CDH20: variants seen among roughly 807,000 people sequenced by gnomAD.
CDH20 encodes cadherin-20.
Under a neutral mutation model 74.2 loss-of-function variants are expected in CDH20, and 29 were observed. The ratio of observed to expected loss-of-function variants is 0.39; its 90% confidence interval spans 0.29 to 0.53. The LOEUF (loss-of-function observed/expected upper bound fraction) is 0.53, where lower values mean the gene tolerates loss of function less well. CDH20 is among the 20% of genes least tolerant of loss of function. The pLI is 0.69. For missense variants in CDH20, 988 were observed against 1,048.3 expected (o/e 0.94, Z 0.79); for synonymous variants, 469 against 405.4 (o/e 1.16, Z -1.88).
chr18:61,431,475 A>G (rs971252545), intron 1 of CDH20, among the ~76,000 whole-genome samples: 2 of 152,222 alleles, frequency 1.3e-5, no homozygotes, highest in Non-Finnish European at 2.9e-5. Context: ...GGACTAGTTA[A>G]TAATAACATA....
At chr18:61,469,228 G>C (rs1010932436) in intron 1 of CDH20, among the ~76,000 whole-genome samples, 26 of 152,070 alleles carry the variant, frequency 1.7e-4, no homozygotes, top group African/African-American at 6.0e-4. Flanking sequence ...TAAAACCATT[G>C]CTCTGGCTGG....
chr18:61,544,131 G>C (rs1913140957), intron 9 of CDH20, among the ~76,000 whole-genome samples: 1 of 152,218 alleles, frequency 6.6e-6, no homozygotes, highest in African/African-American at 2.4e-5. Context: ...GACTGTGCAG[G>C]GAAGTTTCAC....
At chr18:61,404,727 G>GA (rs367937818) in intron 1 of CDH20, 6 of 309,450 alleles carry the variant, frequency 1.9e-5, no homozygotes, top group African/African-American at 9.1e-5. Context: ...AATGGAGCAT[G>GA]AAAAAAGAGA....
chr18:61,510,968 C>CTTTG, intron 6 of CDH20, among the ~76,000 whole-genome samples: 1 of 24,344 alleles, frequency 4.1e-5, no homozygotes, highest in Non-Finnish European at 7.7e-5. Flanking sequence ...TTTTTTCTTT[C>CTTTG]TTTCTTTCTT....
chr18:61,544,552 T>TC (rs1292819772), intron 9 of CDH20, among the ~76,000 whole-genome samples: 1 of 152,096 alleles, frequency 6.6e-6, no homozygotes, highest in African/African-American at 2.4e-5. Context: ...AAGGTGATCT[T>TC]CCCCCGGATT....
At chr18:61,452,638 C>T (rs1161023380) in intron 1 of CDH20, among the ~76,000 whole-genome samples, 4 of 151,932 alleles carry the variant, frequency 2.6e-5, no homozygotes, top group Admixed American at 6.6e-5. Context: ...TTTTTTATAC[C>T]GTATAATATG....
intron 1 of CDH20, among the ~76,000 whole-genome samples, chr18:61,451,674 G>A (rs539010556): frequency 6.6e-6 from 1 of 151,960 alleles, no homozygotes; most frequent in African/African-American, 2.4e-5. Context: ...TAAATTTATT[G>A]GGAAAAGAGT....
At chr18:61,422,885 A>T (rs569052105) in intron 1 of CDH20, among the ~76,000 whole-genome samples, 61 of 152,238 alleles carry the variant, frequency 4.0e-4, no homozygotes, top group African/African-American at 1.4e-3. Context: ...TTTATGAAAG[A>T]GTAGGAGAAA....
chr18:61,501,621 C>T (rs773576334), intron 4 of CDH20, among the ~76,000 whole-genome samples: 4 of 152,092 alleles, frequency 2.6e-5, no homozygotes, highest in Non-Finnish European at 5.9e-5. Context: ...GCAACCTGAT[C>T]GAATTTTTTT....
At chr18:61,355,540 A>G (rs1442596374) in intron 1 of CDH20, among the ~76,000 whole-genome samples, 2 of 152,206 alleles carry the variant, frequency 1.3e-5, no homozygotes, top group Non-Finnish European at 2.9e-5. Flanking sequence ...GAAAGTGTCT[A>G]TATGGAGGCA....
intron 1 of CDH20, among the ~76,000 whole-genome samples, chr18:61,484,105 G>A (rs929001027): frequency 6.6e-6 from 1 of 152,202 alleles, no homozygotes; most frequent in Non-Finnish European, 1.5e-5. Context: ...AAAACACTGA[G>A]TAGCAATTAC....
intron 7 of CDH20, among the ~76,000 whole-genome samples, chr18:61,531,741 G>A (rs1568179395): frequency 6.6e-6 from 1 of 152,082 alleles, no homozygotes; most frequent in Non-Finnish European, 1.5e-5. Flanking sequence ...TCATGGGGGT[G>A]GTTTCCCCCA....
intron 6 of CDH20, among the ~76,000 whole-genome samples, chr18:61,527,557 C>T (rs1912471385): frequency 6.6e-6 from 1 of 151,998 alleles, no homozygotes; most frequent in Admixed American, 6.6e-5. Context: ...GAATAGAGTC[C>T]TAGGAAATGA....
chr18:61,492,514 A>G (rs1427099079), intron 2 of CDH20, among the ~76,000 whole-genome samples: 1 of 152,104 alleles, frequency 6.6e-6, no homozygotes, highest in African/African-American at 2.4e-5. Flanking sequence ...ACCTCCCCAC[A>G]GCTAACAAGA....
rs182542237 is a variant in CDH20 at position 61,523,239 on chromosome 18, C to T, written c.1018-4728C>T. ...CAAGAAAAAAAAAAACAAACAACCA[C>T]ATCAAAAAGCGGGCAAAGGATATGA... On this transcript the variant is annotated intron_variant, in intron 6 of 11. Transcript: ENST00000262717. Among the ~76,000 whole-genome samples the T allele has an allele frequency of 4.2e-3, 627 of 150,352 alleles. 6 individuals carry two copies. The highest frequency in any genetic ancestry group is 5.6e-3 in the Non-Finnish European group (376 of 67,592).
At chr18:61,404,100 G>A (rs1358726853) in intron 1 of CDH20, among the ~76,000 whole-genome samples, 2 of 152,152 alleles carry the variant, frequency 1.3e-5, no homozygotes, top group African/African-American at 2.4e-5. Flanking sequence ...AGAGCATCAG[G>A]ATAAATAGCC....
intron 1 of CDH20, among the ~76,000 whole-genome samples, chr18:61,427,429 T>C (rs1225152823): frequency 6.6e-6 from 1 of 152,064 alleles, no homozygotes; most frequent in African/African-American, 2.4e-5. Flanking sequence ...GATTCCCACC[T>C]TGATAGCCTG....
intron 1 of CDH20, among the ~76,000 whole-genome samples, chr18:61,452,720 G>C (rs1232237208): frequency 6.6e-6 from 1 of 152,124 alleles, no homozygotes; most frequent in East Asian, 1.9e-4. Flanking sequence ...TGACAGCTAT[G>C]TAACACTTGT....
At chr18:61,433,181 A>C (rs975815664) in intron 1 of CDH20, among the ~76,000 whole-genome samples, 1 of 152,186 alleles carries the variant, frequency 6.6e-6, no homozygotes, top group Non-Finnish European at 1.5e-5. Context: ...TTATTATATC[A>C]AGATTAAACA....
Sources: gnomAD v4.1 joint callset for allele counts (sites outside exome capture counted in the v4.1 genomes callset) on GRCh38, gnomAD v4.1.1 for gene constraint, MANE v1.5 for transcripts, NCBI Gene and HGNC (gene_info 2026-07-23, HGNC 2026-07-21) for gene names.